NCKAP5: variants seen among roughly 807,000 people sequenced by gnomAD.
The protein encoded by NCKAP5 is nck-associated protein 5.
A neutral mutation model predicts 167.0 loss-of-function variants in NCKAP5; 92 were observed. The ratio of observed to expected loss-of-function variants is 0.55; its 90% CI spans 0.47 to 0.66. The LOEUF is 0.66. Ranked by LOEUF, NCKAP5 falls within the 30% of genes least tolerant of loss-of-function variation. The pLI, the probability that NCKAP5 is intolerant of heterozygous loss-of-function variation, is 0.00. For synonymous variants in NCKAP5, 891 were observed against 877.4 expected (o/e 1.02, Z -0.27); for missense variants, 2,378 against 2,315.0 (o/e 1.03, Z -0.56).
intron 5 of NCKAP5, among the ~76,000 whole-genome samples, chr2:133,198,272 GACAA>G (rs1559255800): frequency 6.6e-6 from 1 of 152,080 alleles, no homozygotes; most frequent in Non-Finnish European, 1.5e-5. Context: ...TTTGGTGAAA[GACAA>G]ATTTGCTGAT....
At chr2:132,912,427 C>T (rs1237448430) in intron 8 of NCKAP5, among the ~76,000 whole-genome samples, 2 of 152,168 alleles carry the variant, frequency 1.3e-5, no homozygotes, top group Non-Finnish European at 2.9e-5. Flanking sequence ...GAGCCTTCAA[C>T]CCTCTGTGGA....
intron 11 of NCKAP5, among the ~76,000 whole-genome samples, chr2:132,836,432 G>T (rs1687890251): frequency 6.7e-6 from 1 of 149,744 alleles, no homozygotes. Flanking sequence ...GTTTGTTATT[G>T]TTATTGGTGT....
At chr2:133,612,053 G>T in the NCKAP5 span, among the ~76,000 whole-genome samples, 1 of 152,114 alleles carries the variant, frequency 6.6e-6, no homozygotes, top group African/African-American at 2.4e-5. Flanking sequence ...GAGTATAGTT[G>T]CTTTTCATGA....
At chr2:133,400,701 G>A (rs1688041619) in intron 3 of NCKAP5, among the ~76,000 whole-genome samples, 1 of 152,196 alleles carries the variant, frequency 6.6e-6, no homozygotes, top group Admixed American at 6.5e-5. Context: ...TACCAAGTTT[G>A]TGGTAATTTG....
At chr2:133,022,514 G>A (rs1271507547) in intron 6 of NCKAP5, among the ~76,000 whole-genome samples, 2 of 152,150 alleles carry the variant, frequency 1.3e-5, no homozygotes, top group African/African-American at 4.8e-5. Context: ...GGGCGGCTCA[G>A]CTGTCATGAA....
intron 2 of NCKAP5, among the ~76,000 whole-genome samples, chr2:133,547,287 A>G (rs1169878125): frequency 6.6e-6 from 1 of 152,200 alleles, no homozygotes; most frequent in East Asian, 1.9e-4. Flanking sequence ...GCAAGGCGGC[A>G]GAGAGGCTGG....
intron 4 of NCKAP5, among the ~76,000 whole-genome samples, chr2:133,267,083 G>A (rs2150395258): frequency 6.6e-6 from 1 of 152,246 alleles, no homozygotes; most frequent in African/African-American, 2.4e-5. Flanking sequence ...TGGAGTTGGA[G>A]AAGCTGGAGA....
At chr2:133,303,575 T>A (rs1377635382) in intron 3 of NCKAP5, among the ~76,000 whole-genome samples, 1 of 152,172 alleles carries the variant, frequency 6.6e-6, no homozygotes, top group Non-Finnish European at 1.5e-5. Flanking sequence ...ATTGGGCACT[T>A]GTATACACTA....
rs1573780231 is a variant in NCKAP5 at position 132,672,282 on chromosome 2, G to A, written c.*1007C>T. 2 of 152,466 alleles carry A rather than the reference G, an allele frequency of 1.3e-5. No homozygotes were observed. Among genetic ancestry groups the A allele is most frequent in the East Asian group, 3.8e-4 (2 of 5,202 alleles). 9.4% of individuals were successfully genotyped at this position (152,466 alleles called of 1,614,324 possible). ...ATTCAGGATCATAGAGAAGCACTAA[G>A]TAAAAGACAATCTAAAGAAATGTCT... On this transcript the variant is annotated 3_prime_UTR_variant, in exon 20 of 20. Coordinates refer to ENST00000409261, the MANE Select transcript of NCKAP5 (RefSeq NM_207363.3).
At chr2:133,230,113 G>C (rs2087074620) in intron 4 of NCKAP5, among the ~76,000 whole-genome samples, 2 of 152,102 alleles carry the variant, frequency 1.3e-5, no homozygotes, top group Admixed American at 1.3e-4. Context: ...AAAACACTAA[G>C]AGCCAGACAA....
chr2:133,665,977 A>G, the NCKAP5 span, among the ~76,000 whole-genome samples: 3 of 150,870 alleles, frequency 2.0e-5, no homozygotes, highest in Non-Finnish European at 1.5e-5. Context: ...TTTATTAATT[A>G]AAAACAAATT....
intron 3 of NCKAP5, among the ~76,000 whole-genome samples, chr2:133,505,444 G>T (rs1682918739): frequency 6.6e-6 from 1 of 152,078 alleles, no homozygotes; most frequent in African/African-American, 2.4e-5. Flanking sequence ...TACAGACAAA[G>T]AAAGCTGCCA....
the NCKAP5 span, among the ~76,000 whole-genome samples, chr2:133,627,714 C>CT: frequency 6.6e-6 from 1 of 152,028 alleles, no homozygotes; most frequent in Admixed American, 6.6e-5. Context: ...AAGAAAGAAA[C>CT]TTTTTTTTAA....
chr2:133,229,685 G>T (rs182643081), intron 4 of NCKAP5, among the ~76,000 whole-genome samples: 1 of 152,218 alleles, frequency 6.6e-6, no homozygotes, highest in East Asian at 1.9e-4. Flanking sequence ...GCTACACCTG[G>T]ACACAGGCAC....
chr2:133,305,917 A>G (rs1460092186), intron 3 of NCKAP5, among the ~76,000 whole-genome samples: 2 of 152,236 alleles, frequency 1.3e-5, no homozygotes, highest in African/African-American at 4.8e-5. Flanking sequence ...ACAAAAATGG[A>G]TTGCGAAAAG....
intron 5 of NCKAP5, among the ~76,000 whole-genome samples, chr2:133,148,781 T>C (rs1422538660): frequency 6.6e-6 from 1 of 152,070 alleles, no homozygotes; most frequent in Non-Finnish European, 1.5e-5. Context: ...GTTAATCCTA[T>C]CATAAGAGCT....
At chr2:133,149,097 C>G (rs2083297045) in intron 5 of NCKAP5, among the ~76,000 whole-genome samples, 1 of 152,136 alleles carries the variant, frequency 6.6e-6, no homozygotes, top group African/African-American at 2.4e-5. Flanking sequence ...AACTGTTCAT[C>G]TCTAAACTCT....
At chr2:132,786,657 G>C (rs913298909) in intron 13 of NCKAP5, among the ~76,000 whole-genome samples, 9 of 151,658 alleles carry the variant, frequency 5.9e-5, no homozygotes, top group Non-Finnish European at 1.3e-4. Flanking sequence ...AAATGGAAGG[G>C]GGAAAAAAAA....
chr2:133,559,207 C>T (rs1321621599), intron 1 of NCKAP5, 90 bp from the exon 2 acceptor site: 1 of 151,792 alleles, frequency 6.6e-6, no homozygotes, highest in Non-Finnish European at 1.5e-5. Flanking sequence ...TTGGTTTTTG[C>T]ATCTAAAAAT....
Sources: gnomAD v4.1 joint callset for allele counts (sites outside exome capture counted in the v4.1 genomes callset) on GRCh38, gnomAD v4.1.1 for gene constraint, MANE v1.5 for transcripts, NCBI Gene and HGNC (gene_info 2026-07-23, HGNC 2026-07-21) for gene names.